Variants in TSHR observed in about 807,000 individuals in gnomAD.
The protein encoded by TSHR is thyroid stimulating hormone receptor.
In TSHR, 51 loss-of-function variants were observed where a neutral mutation model predicts 64.1. That is an observed-to-expected ratio of 0.80 (90% confidence interval 0.64 to 1.01). TSHR has a LOEUF of 1.01. TSHR is among the 50% of genes least tolerant of loss of function. The pLI is 0.00. For synonymous variants in TSHR, 361 were observed against 361.9 expected, an observed-to-expected ratio of 1.00 and a Z score of 0.03; for missense variants, 877 against 942.8, an observed-to-expected ratio of 0.93 and a Z score of 0.91.
intron 1 of TSHR, chr14:81,013,694 C>A (rs931757619): frequency 6.6e-6 from 1 of 152,164 alleles, no homozygotes; most frequent in African/African-American, 2.4e-5. Context: ...CACCTGGACC[C>A]CACAGCCAGT....
At chr14:80,967,818 G>C (rs1458328405) in intron 1 of TSHR, among the ~76,000 whole-genome samples, 1 of 152,188 alleles carries the variant, frequency 6.6e-6, no homozygotes, top group African/African-American at 2.4e-5. Context: ...GCCCATGTGA[G>C]AATTCTTGTT....
intron 7 of TSHR, chr14:81,104,236 T>C: frequency 1.0e-6 from 1 of 985,442 alleles, no homozygotes; most frequent in Non-Finnish European, 1.2e-6. Context: ...CTCTTTAAAC[T>C]AACATGAGAG....
chr14:81,120,602 T>C (rs934859782), intron 8 of TSHR, among the ~76,000 whole-genome samples: 4 of 152,220 alleles, frequency 2.6e-5, no homozygotes, highest in African/African-American at 9.6e-5. Flanking sequence ...ATTTTCTGTA[T>C]AAGATAATGT....
rs115519237 is a variant in TSHR at position 81,059,415 on chromosome 14, A to G, written c.171-2733A>G. Among the ~76,000 whole-genome samples, 520 of 152,256 alleles carry G rather than the reference A, an allele frequency of 3.4e-3. 2 individuals carry two copies. Among genetic ancestry groups the G allele is most frequent in the African/African-American group, 0.012 (488 of 41,558 alleles). ...AGTCAACAAAATTTACACAAACTCAATTGTGTATTTTTTTAGATTATGCGC... is the reference window on the plus strand; with the variant it reads ...AGTCAACAAAATTTACACAAACTCAGTTGTGTATTTTTTTAGATTATGCGC... On this transcript the variant is annotated intron_variant, in intron 1 of 9. Coordinates refer to ENST00000298171, the MANE Select transcript of TSHR (RefSeq NM_000369.5).
At position 81,068,280 on chromosome 14, in the gene TSHR, A is replaced by C. The variant is rs768151924; in HGVS notation, c.269A>C (p.Gln90Pro). Residue 90 changes from glutamine to proline, a missense_variant, in exon 3 of 10, where the codon CAG becomes CCG. Transcript: ENST00000298171. ...TACGTATCTATAGATGTGACTCTGC[A>C]GCAGCTGGAATCACACTCCTTCTAC... ...RIYVSIDVTL[Q>P]QLESHSFYNL... 1.9e-6 allele frequency: 3 copies of C among 1,613,246 alleles called. No individual in the cohort carries two copies. The highest frequency in any genetic ancestry group is 1.7e-4 in the Middle Eastern group (1 of 6,058).
intron 3 of TSHR, among the ~76,000 whole-genome samples, chr14:81,077,484 A>C (rs143329560): frequency 6.6e-6 from 1 of 152,360 alleles, no homozygotes; most frequent in African/African-American, 2.4e-5. Flanking sequence ...CTAATTGCTC[A>C]ACACATATAT....
intron 8 of TSHR, among the ~76,000 whole-genome samples, chr14:81,121,203 G>A (rs998363300): frequency 2.2e-4 from 33 of 151,626 alleles, no homozygotes; most frequent in Non-Finnish European, 4.1e-4. Context: ...GAGGCATGAA[G>A]GTACATCATA....
intron 1 of TSHR, 92 bp downstream of exon 1, chr14:80,955,942 C>T: frequency 6.7e-7 from 1 of 1,483,758 alleles, no homozygotes; most frequent in Non-Finnish European, 9.4e-7. Flanking sequence ...CAATAACAGC[C>T]CGAAGTAGTG....
chr14:81,111,971 C>G (rs1208508587), intron 8 of TSHR, among the ~76,000 whole-genome samples: 1 of 152,094 alleles, frequency 6.6e-6, no homozygotes, highest in Admixed American at 6.5e-5. Context: ...ATTAAACTAC[C>G]TGCTTGTACT....
chr14:81,142,606 C>CTTTTTTTTT (rs10711545), intron 9 of TSHR, among the ~76,000 whole-genome samples: 1 of 97,248 alleles, frequency 1.0e-5, no homozygotes, highest in Non-Finnish European at 2.0e-5. Context: ...AACAAGCATT[C>CTTTTTTTTT]TTTTTTTTTT....
chr14:81,087,506 T>C (rs1184569466), intron 3 of TSHR: 3 of 252,140 alleles, frequency 1.2e-5, no homozygotes, highest in Non-Finnish European at 2.3e-5. Context: ...AGAGCCTTAC[T>C]GTCCATCTTG....
intron 1 of TSHR, among the ~76,000 whole-genome samples, chr14:81,016,587 G>A (rs911231177): frequency 6.6e-6 from 1 of 152,050 alleles, no homozygotes; most frequent in African/African-American, 2.4e-5. Context: ...TCATTGTGTT[G>A]TTTCCCTTGC....
rs577892596 is a variant in TSHR at position 81,048,708 on chromosome 14, C to A, written c.171-13440C>A. Among the ~76,000 whole-genome samples, 33 of 152,216 alleles carry A rather than the reference C, an allele frequency of 2.2e-4. 1 individual carries two copies. In the South Asian group the frequency reaches 6.6e-3, roughly 31 times the overall value. ...CAATAAACAATGCAGTATGAAAGCG[C>A]TTAGTGAGATTACTATATTTGTTGT... On this transcript the variant is annotated intron_variant, in intron 1 of 9. Coordinates refer to ENST00000298171, the MANE Select transcript of TSHR (RefSeq NM_000369.5).
At chr14:81,073,018 AT>A (rs1321340360) in intron 3 of TSHR, among the ~76,000 whole-genome samples, 11,884 of 48,924 alleles carry the variant, frequency 0.24, 3,124 homozygotes, top group Non-Finnish European at 0.33. Context: ...AAAATAAAAA[AT>A]AAATATATAT....
intron 1 of TSHR, among the ~76,000 whole-genome samples, chr14:80,976,239 A>G (rs1887870074): frequency 6.6e-6 from 1 of 152,196 alleles, no homozygotes; most frequent in African/African-American, 2.4e-5. Flanking sequence ...CAACAGCCAC[A>G]GCCCACCCCT....
chr14:81,096,094 G>T (rs752132803), intron 6 of TSHR, among the ~76,000 whole-genome samples: 31 of 150,318 alleles, frequency 2.1e-4, no homozygotes, highest in Middle Eastern at 3.5e-3. Flanking sequence ...TACTTTCTTA[G>T]ATTCATCTAT....
intron 1 of TSHR, chr14:81,012,193 T>C (rs1889949247): frequency 6.6e-6 from 1 of 151,620 alleles, no homozygotes; most frequent in Non-Finnish European, 1.5e-5. Context: ...ATGCGGTGTT[T>C]GGTTTTTTGT....
intron 8 of TSHR, among the ~76,000 whole-genome samples, chr14:81,114,944 C>T (rs1345181736): frequency 1.1e-3 from 160 of 152,214 alleles, no homozygotes; most frequent in Admixed American, 7.7e-3. Context: ...TGGCAGGGTA[C>T]TCCAACAGAC....
chr14:81,016,905 G>C (rs1290690183), intron 1 of TSHR, among the ~76,000 whole-genome samples: 1 of 152,120 alleles, frequency 6.6e-6, no homozygotes, highest in African/African-American at 2.4e-5. Context: ...TTAAAGAAAA[G>C]TTTTGATTTG....
Sources: gnomAD v4.1 joint callset for allele counts (sites outside exome capture counted in the v4.1 genomes callset) on GRCh38, gnomAD v4.1.1 for gene constraint, MANE v1.5 for transcripts, NCBI Gene and HGNC (gene_info 2026-07-23, HGNC 2026-07-21) for gene names.